The following PPARGC1A variants were observed in gnomAD, a reference collection of about 807,000 sequenced individuals.
The protein encoded by PPARGC1A is PPARG coactivator 1 alpha.
A neutral mutation model predicts 88.7 loss-of-function variants in PPARGC1A; 25 were observed. The observed-to-expected ratio is 0.28, with a 90% CI of 0.21 to 0.39. The LOEUF (loss-of-function observed/expected upper bound fraction) is 0.39, where lower values mean the gene tolerates loss of function less well. Ranked by LOEUF, PPARGC1A falls within the 10% of genes least tolerant of loss-of-function variation. PPARGC1A has a pLI of 1.00. For missense variants in PPARGC1A, 880 were observed against 968.7 expected, an observed-to-expected ratio of 0.91 and a Z score of 1.22; for synonymous variants, 363 against 355.6, an observed-to-expected ratio of 1.02 and a Z score of -0.24.
chr4:23,838,534 C>T (rs1187649160), intron 2 of PPARGC1A, among the ~76,000 whole-genome samples: 1 of 152,012 alleles, frequency 6.6e-6, no homozygotes. Context: ...CAATAAATAC[C>T]ACCTTACATT....
Position 23,814,464 on chromosome 4 carries a change from T to G in PPARGC1A, c.1019A>C (p.Gln340Pro). 1.2e-6 allele frequency: 2 copies of G among 1,613,722 alleles called. No individual in the cohort carries two copies. Among genetic ancestry groups the G allele is most frequent in the Non-Finnish European group, 1.7e-6 (2 of 1,179,904 alleles). Residue 340 changes from glutamine (Q) to proline (P), a missense_variant, in exon 8 of 13, where the codon CAA becomes CCA. By Grantham distance (76) the Gln-to-Pro change is moderately conservative. Transcript: ENST00000264867. Reference protein sequence around the residue: ...KPRYSESSGTQGNNSTKKGPE... With the variant: ...KPRYSESSGTPGNNSTKKGPE... ...CCCTTTCTTGGTGGAGTTATTGCCT[T>G]GTGTACCAGAAGACTCACTGTACCT...
At chr4:24,009,594 T>A in the PPARGC1A span, among the ~76,000 whole-genome samples, 1 of 152,210 alleles carries the variant, frequency 6.6e-6, no homozygotes, top group East Asian at 1.9e-4. Flanking sequence ...CAATTATCTG[T>A]AAACTTCCAT....
the PPARGC1A span, among the ~76,000 whole-genome samples, chr4:24,025,185 A>T: frequency 4.6e-5 from 7 of 152,192 alleles, no homozygotes; most frequent in African/African-American, 1.7e-4. Context: ...ACCTAGAGCA[A>T]TGAGATATGC....
chr4:24,152,673 C>G, the PPARGC1A span, among the ~76,000 whole-genome samples: 2 of 152,164 alleles, frequency 1.3e-5, no homozygotes, highest in Non-Finnish European at 2.9e-5. Flanking sequence ...ACAGCATTTG[C>G]TAATTTAATT....
the PPARGC1A span, among the ~76,000 whole-genome samples, chr4:24,356,551 C>G: frequency 6.6e-6 from 1 of 152,144 alleles, no homozygotes. Context: ...TTTTAAGTGA[C>G]CAAGTGTATA....
the PPARGC1A span, among the ~76,000 whole-genome samples, chr4:24,264,352 G>T: frequency 6.6e-6 from 1 of 152,168 alleles, no homozygotes; most frequent in Non-Finnish European, 1.5e-5. Context: ...ACCAAGAGAG[G>T]TCTGTGATGC....
chr4:24,094,678 T>C, the PPARGC1A span, among the ~76,000 whole-genome samples: 2 of 152,212 alleles, frequency 1.3e-5, no homozygotes, highest in South Asian at 2.1e-4. Flanking sequence ...TAGCTCTATA[T>C]GAATTCAATG....
intron 1 of PPARGC1A, among the ~76,000 whole-genome samples, chr4:23,886,782 T>C (rs1716967791): frequency 6.6e-6 from 1 of 150,824 alleles, no homozygotes; most frequent in Non-Finnish European, 1.5e-5. Context: ...TTCCTCAATG[T>C]CACCAATTCA....
upstream of PPARGC1A, among the ~76,000 whole-genome samples, chr4:23,892,442 T>TA (rs1717985994): frequency 4.3e-3 from 1 of 234 alleles, no homozygotes; most frequent in South Asian, 0.5. Flanking sequence ...TTCCACGATA[T>TA]TTTTTTTTTG....
rs115670599 is a variant in PPARGC1A at position 23,842,427 on chromosome 4, T to C, written c.235-10676A>G. The stretch of plus-strand genomic sequence containing the variant: ...TGTTTTTCAACAAGTCCAACTCTAT[T>C]GATAGCACCAAGTTTCCAATCTTTT... On this transcript the variant is annotated intron_variant, in intron 2 of 12. Coordinates refer to ENST00000264867, the MANE Select transcript of PPARGC1A (RefSeq NM_013261.5). Among the ~76,000 whole-genome samples, 427 of 152,234 alleles carry C rather than the reference T, an allele frequency of 2.8e-3. 3 individuals are homozygous for C. Among genetic ancestry groups the C allele is most frequent in the African/African-American group, 9.8e-3 (406 of 41,552 alleles).
At chr4:23,819,899 C>CTGA (rs1722669635) in intron 7 of PPARGC1A, among the ~76,000 whole-genome samples, 3 of 152,248 alleles carry the variant, frequency 2.0e-5, no homozygotes, top group Admixed American at 2.0e-4. Flanking sequence ...TTTAAAACTA[C>CTGA]CGACAACTAC....
chr4:24,031,674 C>T, the PPARGC1A span, among the ~76,000 whole-genome samples: 1 of 152,152 alleles, frequency 6.6e-6, no homozygotes. Flanking sequence ...TGGACTCCAT[C>T]CACTAGATAA....
the PPARGC1A span, among the ~76,000 whole-genome samples, chr4:24,283,816 A>C: frequency 2.0e-5 from 3 of 152,252 alleles, no homozygotes; most frequent in Admixed American, 2.0e-4. Flanking sequence ...AAAAGGGATA[A>C]TGACACTCAG....
intron 2 of PPARGC1A, among the ~76,000 whole-genome samples, chr4:23,852,857 T>C (rs950516905): frequency 4.6e-5 from 7 of 152,320 alleles, no homozygotes; most frequent in Admixed American, 2.6e-4. Context: ...GACAGGCATA[T>C]GCATGTGTGC....
the PPARGC1A span, among the ~76,000 whole-genome samples, chr4:24,341,290 C>T: frequency 6.6e-6 from 1 of 151,592 alleles, no homozygotes; most frequent in African/African-American, 2.4e-5. Context: ...GATCTGAATG[C>T]ATTATCACCA....
chr4:24,293,113 T>C, the PPARGC1A span, among the ~76,000 whole-genome samples: 3 of 240 alleles, frequency 0.013, no homozygotes, highest in Non-Finnish European at 0.016. Flanking sequence ...ACCCCCACCC[T>C]TGCCTGTGCT....
At chr4:24,399,859 G>A in the PPARGC1A span, among the ~76,000 whole-genome samples, 1 of 151,538 alleles carries the variant, frequency 6.6e-6, no homozygotes, top group Non-Finnish European at 1.5e-5. Flanking sequence ...CACGATCTTG[G>A]CTCACTGCAA....
the PPARGC1A span, among the ~76,000 whole-genome samples, chr4:24,179,381 G>T: frequency 1.3e-5 from 2 of 152,092 alleles, no homozygotes; most frequent in Non-Finnish European, 2.9e-5. Flanking sequence ...CTTTCCCCTT[G>T]CATCTGACCT....
chr4:24,241,759 G>A, the PPARGC1A span, among the ~76,000 whole-genome samples: 9 of 152,200 alleles, frequency 5.9e-5, no homozygotes. Flanking sequence ...ACATCCAGAT[G>A]TTTCGGGAGG....
Sources: allele counts gnomAD v4.1 joint callset (sites outside exome capture counted in the v4.1 genomes callset), GRCh38; gene constraint gnomAD v4.1.1; transcripts MANE v1.5; gene names NCBI Gene and HGNC (gene_info 2026-07-23, HGNC 2026-07-21).